UNC5C: variants seen among roughly 807,000 people sequenced by gnomAD.
The protein encoded by UNC5C is netrin receptor UNC5C.
UNC5C carries 47 observed loss-of-function variants against 99.8 expected under a neutral mutation model. The ratio of observed to expected loss-of-function variants is 0.47; its 90% CI spans 0.37 to 0.60. The LOEUF is 0.60. Ranked by LOEUF, UNC5C falls within the 20% of genes least tolerant of loss-of-function variation. UNC5C has a pLI of 0.00. For synonymous variants in UNC5C, 487 were observed against 452.2 expected (o/e 1.08, Z -0.98); for missense variants, 1,062 against 1,165.9 (o/e 0.91, Z 1.30).
chr4:95,448,163 T>C (rs1456606449), intron 1 of UNC5C, among the ~76,000 whole-genome samples: 1 of 151,228 alleles, frequency 6.6e-6, no homozygotes, highest in Non-Finnish European at 1.5e-5. Flanking sequence ...GATGTTAGCA[T>C]GTCACAAGTA....
intron 2 of UNC5C, among the ~76,000 whole-genome samples, chr4:95,321,113 A>G (rs969324614): frequency 3.9e-5 from 6 of 152,218 alleles, no homozygotes; most frequent in Non-Finnish European, 7.3e-5. Context: ...AATTTTCTAT[A>G]CAGTATGAAA....
At chr4:95,304,562 T>G (rs1741987865) in intron 2 of UNC5C, among the ~76,000 whole-genome samples, 1 of 151,828 alleles carries the variant, frequency 6.6e-6, no homozygotes, top group Non-Finnish European at 1.5e-5. Context: ...CCCCATATCT[T>G]TCTCTCTCTC....
chr4:95,312,049 A>C (rs1247540988), intron 2 of UNC5C, among the ~76,000 whole-genome samples: 2 of 152,140 alleles, frequency 1.3e-5, no homozygotes, highest in Admixed American at 6.6e-5. Context: ...CCAATCTCAA[A>C]AAACAAACAA....
intron 5 of UNC5C, chr4:95,248,653 T>G (rs1389383750): frequency 1.1e-5 from 5 of 439,548 alleles, no homozygotes; most frequent in African/African-American, 1.0e-4. Flanking sequence ...CCAAGTGGCA[T>G]ATTTTGGGGT....
intron 1 of UNC5C, among the ~76,000 whole-genome samples, chr4:95,494,740 T>C (rs1288233133): frequency 6.6e-6 from 1 of 151,544 alleles, no homozygotes; most frequent in African/African-American, 2.4e-5. Context: ...ACAATTTAAA[T>C]GATGTTCATG....
chr4:95,264,523 A>T (rs574755857), intron 4 of UNC5C, among the ~76,000 whole-genome samples: 108 of 152,324 alleles, frequency 7.1e-4, no homozygotes, highest in African/African-American at 2.1e-3. Flanking sequence ...GTCTCAAGTA[A>T]TACAGAAACA....
chr4:95,221,640 C>T (rs1214859922), intron 7 of UNC5C, among the ~76,000 whole-genome samples: 1 of 152,128 alleles, frequency 6.6e-6, no homozygotes, highest in African/African-American at 2.4e-5. Context: ...CCAACATTTC[C>T]AGAATATTCA....
chr4:95,221,031 G>A (rs1738451302), intron 7 of UNC5C, among the ~76,000 whole-genome samples: 6 of 152,206 alleles, frequency 3.9e-5, no homozygotes, highest in Admixed American at 3.9e-4. Context: ...TCAGTCAACT[G>A]AGGTCTTTTT....
At chr4:95,184,101 A>G (rs527327939) in intron 13 of UNC5C, among the ~76,000 whole-genome samples, 1 of 152,348 alleles carries the variant, frequency 6.6e-6, no homozygotes. Flanking sequence ...GAAGAAAGCA[A>G]AGAAAGAGGT....
intron 1 of UNC5C, among the ~76,000 whole-genome samples, chr4:95,435,288 A>G (rs1475302627): frequency 6.7e-6 from 1 of 149,046 alleles, no homozygotes; most frequent in East Asian, 2.0e-4. Flanking sequence ...AATGGTACAC[A>G]GAAAAATCAA....
intron 2 of UNC5C, among the ~76,000 whole-genome samples, chr4:95,313,559 G>A (rs56007493): frequency 0.013 from 1,939 of 152,210 alleles, 16 homozygotes; most frequent in Non-Finnish European, 0.02. Context: ...TATGTATCCA[G>A]AATAATAATT....
chr4:95,211,782 A>G (rs1377890136), intron 10 of UNC5C, among the ~76,000 whole-genome samples: 1 of 144,150 alleles, frequency 6.9e-6, no homozygotes, highest in Non-Finnish European at 1.5e-5. Context: ...CCACTTATTT[A>G]AATTTATTTC....
intron 1 of UNC5C, among the ~76,000 whole-genome samples, chr4:95,405,676 A>G (rs1274606956): frequency 6.6e-6 from 1 of 152,202 alleles, no homozygotes; most frequent in African/African-American, 2.4e-5. Context: ...AGCAAATAAA[A>G]GTTACATGAA....
intron 1 of UNC5C, among the ~76,000 whole-genome samples, chr4:95,394,162 A>C (rs1745441835): frequency 6.6e-6 from 1 of 151,788 alleles, no homozygotes; most frequent in South Asian, 2.1e-4. Context: ...TCTCCATTTG[A>C]TTTATTTTAA....
Position 95,392,430 on chromosome 4 carries a change from ATTTTTTT to A in UNC5C, c.125-56806_125-56800del, listed in dbSNP as rs10608601. 4.7e-4 allele frequency among the ~76,000 whole-genome samples: 51 copies of A among 109,076 alleles called. No individual in the cohort carries two copies. The East Asian group carries it at 7.7e-3, about 16-fold the overall frequency. 71.6% of individuals were successfully genotyped at this position (109,076 alleles called of 152,430 possible). A position where few individuals can be genotyped will look rare whatever the true frequency, so the allele number is the denominator to read the frequency against. On this transcript the variant is annotated intron_variant, in intron 1 of 15. Transcript: ENST00000453304. The stretch of plus-strand genomic sequence containing the variant: ...TTTTAAGAGTTTGAAGTATCAAAAC[ATTTTTTT>A]TTTTTTTAAAAAAAAAACAGGTTTC...
At chr4:95,486,717 C>G (rs1325097368) in intron 1 of UNC5C, among the ~76,000 whole-genome samples, 1 of 151,430 alleles carries the variant, frequency 6.6e-6, no homozygotes, top group Non-Finnish European at 1.5e-5. Context: ...CATCCTGAAT[C>G]CCATCATTTG....
chr4:95,200,497 C>CTT (rs1392522953), intron 12 of UNC5C, among the ~76,000 whole-genome samples: 1 of 152,202 alleles, frequency 6.6e-6, no homozygotes, highest in Non-Finnish European at 1.5e-5. Context: ...GGGCAACTTA[C>CTT]TTAAACTTTC....
At chr4:95,486,199 TTATTA>T (rs527498370) in intron 1 of UNC5C, among the ~76,000 whole-genome samples, 125 of 151,890 alleles carry the variant, frequency 8.2e-4, no homozygotes, top group African/African-American at 2.9e-3. Flanking sequence ...ACAGAAATTA[TTATTA>T]TATTAATCTT....
intron 2 of UNC5C, among the ~76,000 whole-genome samples, chr4:95,317,978 C>G (rs1050600453): frequency 1.3e-5 from 2 of 151,954 alleles, no homozygotes; most frequent in Non-Finnish European, 2.9e-5. Context: ...TGTCTGAATC[C>G]CTGGGACCTG....
Sources: gnomAD v4.1 joint callset for allele counts (sites outside exome capture counted in the v4.1 genomes callset) on GRCh38, gnomAD v4.1.1 for gene constraint, MANE v1.5 for transcripts, NCBI Gene and HGNC (gene_info 2026-07-23, HGNC 2026-07-21) for gene names.